The following ADCK1 variants were observed in gnomAD, a reference collection of about 807,000 sequenced individuals.
ADCK1 encodes aarF domain containing kinase 1, also known as aarF domain-containing protein kinase 1.
A neutral mutation model predicts 52.3 loss-of-function variants in ADCK1; 41 were observed. The observed-to-expected ratio is 0.78, with a 90% CI of 0.61 to 1.02. The LOEUF (loss-of-function observed/expected upper bound fraction) is 1.02. Among genes scored for constraint, ADCK1 ranks in the 50% least tolerant of loss-of-function variants. The probability of loss-of-function intolerance (pLI) is 0.00; values close to 1 mark genes in which losing one functional copy is unlikely to be tolerated. For missense variants in ADCK1, 658 were observed against 679.5 expected (o/e 0.97, Z 0.35); for synonymous variants, 250 against 274.6 (o/e 0.91, Z 0.89).
At chr14:77,896,756 A>G (rs1282601921) in intron 5 of ADCK1, among the ~76,000 whole-genome samples, 1 of 152,220 alleles carries the variant, frequency 6.6e-6, no homozygotes, top group Non-Finnish European at 1.5e-5. Context: ...GATACAAACA[A>G]AACATAAACT....
chr14:77,887,115 G>A lies in ADCK1; in HGVS notation c.448G>A (p.Asp150Asn), dbSNP rs770268465. 3.1e-6 allele frequency: 5 copies of A among 1,598,786 alleles called. No homozygotes were observed. Among genetic ancestry groups the A allele is most frequent in the Admixed American group, 3.5e-5 (2 of 57,742 alleles). ...GATCCATGATTTGTTCCAGAGCTTC[G>A]ATGACACCCCTCTGGGGACGGCCTC... ...KEIHDLFQSF[D>N]DTPLGTASLA... Residue 150 changes from aspartate to asparagine, a missense_variant, in exon 5 of 11, where the codon GAT (aspartate) becomes AAT (asparagine). Asp to Asn is a conservative substitution (Grantham distance 23). Coordinates refer to ENST00000238561, the MANE Select transcript of ADCK1 (RefSeq NM_020421.4).
At position 77,933,518 on chromosome 14, in the gene ADCK1, C is replaced by T; in HGVS notation, c.*127C>T. 1 of 1,175,858 alleles carries T rather than the reference C, an allele frequency of 8.5e-7. No individual in the cohort carries two copies. Among genetic ancestry groups the T allele is most frequent in the Non-Finnish European group, 1.2e-6 (1 of 812,826 alleles). The allele number at this position is 1,175,858 out of a possible 1,614,324, so 72.8% of individuals were successfully genotyped here. ...GCCCCAGAGTCACTGTCCATGTCAC[C>T]ATCCTTCTCCTCCTTTGGAATCCTC... On this transcript the variant is annotated 3_prime_UTR_variant, in exon 11 of 11. Coordinates refer to ENST00000238561, the MANE Select transcript of ADCK1 (RefSeq NM_020421.4).
At chr14:77,802,223 C>T (rs939739144) in intron 1 of ADCK1, among the ~76,000 whole-genome samples, 9 of 151,988 alleles carry the variant, frequency 5.9e-5, no homozygotes, top group South Asian at 2.1e-4. Context: ...GCATGCACCT[C>T]GGAATCTGGT....
chr14:77,802,252 A>C (rs774805604), intron 1 of ADCK1, among the ~76,000 whole-genome samples: 14 of 152,030 alleles, frequency 9.2e-5, no homozygotes, highest in Non-Finnish European at 1.8e-4. Flanking sequence ...TTAATGAGCT[A>C]ATAAGTGCTT....
chr14:77,886,024 T>G (rs1243920190), intron 4 of ADCK1, among the ~76,000 whole-genome samples: 1 of 152,164 alleles, frequency 6.6e-6, no homozygotes, highest in Non-Finnish European at 1.5e-5. Flanking sequence ...GAGGAGTATA[T>G]TTTCTACTTC....
chr14:77,902,580 G>A (rs1162214641), intron 6 of ADCK1: 1 of 152,180 alleles, frequency 6.6e-6, no homozygotes, highest in Non-Finnish European at 1.5e-5. Flanking sequence ...TTGCTGTGCT[G>A]GGAGCTGAGG....
chr14:77,898,277 G>A (rs550773259), intron 5 of ADCK1, among the ~76,000 whole-genome samples: 1 of 152,188 alleles, frequency 6.6e-6, no homozygotes, highest in South Asian at 2.1e-4. Context: ...AACAGAAAAG[G>A]GATGATAAGA....
chr14:77,878,006 G>A (rs938734909), intron 4 of ADCK1, among the ~76,000 whole-genome samples: 2 of 152,210 alleles, frequency 1.3e-5, no homozygotes, highest in African/African-American at 4.8e-5. Context: ...CTCTCCCTGA[G>A]CAGGTTCAGC....
At chr14:77,853,675 G>T (rs1036532437) in intron 3 of ADCK1, among the ~76,000 whole-genome samples, 2 of 152,134 alleles carry the variant, frequency 1.3e-5, no homozygotes, top group African/African-American at 4.8e-5. Context: ...TAGGTCCTGT[G>T]TGAATGCTGG....
intron 3 of ADCK1, among the ~76,000 whole-genome samples, chr14:77,846,201 T>C (rs2082170572): frequency 6.6e-6 from 1 of 152,188 alleles, no homozygotes; most frequent in Non-Finnish European, 1.5e-5. Flanking sequence ...TTCTCCCACC[T>C]ACCCTGAACC....
intron 5 of ADCK1, among the ~76,000 whole-genome samples, chr14:77,892,252 A>T (rs2083297430): frequency 6.6e-6 from 1 of 152,122 alleles, no homozygotes; most frequent in South Asian, 2.1e-4. Context: ...GACCTTCTAC[A>T]CCCAAACTCA....
chr14:77,857,057 C>T (rs1197560122), intron 3 of ADCK1, among the ~76,000 whole-genome samples: 1 of 151,696 alleles, frequency 6.6e-6, no homozygotes, highest in Admixed American at 6.6e-5. Flanking sequence ...CTGCTAGTGC[C>T]TGGAGTCTGA....
rs779716231 is a variant in ADCK1 at position 77,907,913 on chromosome 14, C to T, written c.852C>T (p.Val284=). The change falls in exon 7 of 11, where the codon GTC becomes GTT. Residue 284 remains valine, a synonymous_variant. Coordinates refer to ENST00000238561, the MANE Select transcript of ADCK1 (RefSeq NM_020421.4). ...RDYMERNKID[V]NEISRHLGKM... is the part of the protein sequence containing the mutation. ...ACATGGAGAGGAACAAGATCGACGT[C>T]AATGAGGTGAGGTCAAGAGCTCAGG... is the stretch of plus-strand genomic sequence containing the variant. 16 of 1,613,566 alleles carry T rather than the reference C, an allele frequency of 9.9e-6. No homozygotes were observed. The highest frequency in any genetic ancestry group is 1.3e-5 in the African/African-American group (1 of 75,030).
chr14:77,800,630 C>T (rs1476138747), intron 1 of ADCK1, among the ~76,000 whole-genome samples: 2 of 152,212 alleles, frequency 1.3e-5, no homozygotes, highest in African/African-American at 4.8e-5. Context: ...GCCCTCCACC[C>T]GGTCTTGCGA....
At chr14:77,876,353 C>T (rs995494434) in intron 4 of ADCK1, among the ~76,000 whole-genome samples, 2 of 152,196 alleles carry the variant, frequency 1.3e-5, no homozygotes, top group Non-Finnish European at 2.9e-5. Flanking sequence ...CATGTCATCT[C>T]TTTCTCTAAT....
chr14:77,900,709 C>T (rs1232513323), intron 6 of ADCK1: 2 of 410,652 alleles, frequency 4.9e-6, no homozygotes, highest in Non-Finnish European at 9.8e-6. Context: ...TGTGGCACGG[C>T]TCTGCTGGAT....
intron 9 of ADCK1, among the ~76,000 whole-genome samples, chr14:77,927,214 C>T (rs1200610796): frequency 3.3e-5 from 5 of 152,216 alleles, no homozygotes; most frequent in Non-Finnish European, 7.3e-5. Context: ...GACCATCCGT[C>T]CCCATCTCTC....
At chr14:77,836,769 CTTTCTTT>C (rs2081968593) in intron 3 of ADCK1, among the ~76,000 whole-genome samples, 3 of 75,266 alleles carry the variant, frequency 4.0e-5, no homozygotes, top group East Asian at 3.0e-4. Flanking sequence ...TTCTTTCTTT[CTTTCTTT>C]TTTTTTTTTT....
chr14:77,924,172 T>G (rs1194435483), intron 7 of ADCK1: 5 of 331,754 alleles, frequency 1.5e-5, no homozygotes, highest in Non-Finnish European at 2.8e-5. Context: ...AGGTGGAGAG[T>G]GCAGTTCTCC....
Sources: allele counts gnomAD v4.1 joint callset (sites outside exome capture counted in the v4.1 genomes callset), GRCh38; gene constraint gnomAD v4.1.1; transcripts MANE v1.5; gene names NCBI Gene and HGNC (gene_info 2026-07-23, HGNC 2026-07-21).